GRIK3: variants seen among roughly 807,000 people sequenced by gnomAD.
GRIK3 encodes the protein glutamate ionotropic receptor kainate type subunit 3.
In GRIK3, 29 loss-of-function variants were observed where a neutral mutation model predicts 102.5. That is an observed-to-expected ratio of 0.28 (90% CI 0.21 to 0.39). The LOEUF is 0.39. Among genes scored for constraint, GRIK3 ranks in the 10% least tolerant of loss-of-function variants. GRIK3 has a pLI of 1.00. For synonymous variants in GRIK3, 511 were observed against 504.9 expected (o/e 1.01, Z -0.16); for missense variants, 908 against 1,252.4 (o/e 0.73, Z 4.15).
At chr1:36,996,711 G>A (rs1642423011) in intron 1 of GRIK3, among the ~76,000 whole-genome samples, 1 of 152,218 alleles carries the variant, frequency 6.6e-6, no homozygotes, top group African/African-American at 2.4e-5. Context: ...GGGAACAGCG[G>A]TGTCTCTGTC....
rs1423868897 is a variant in GRIK3, at chr1:36,869,795, C to T, written c.739G>A (p.Ala247Thr). The T allele has an allele frequency of 6.2e-7, 1 of 1,612,128 alleles. No homozygotes were observed. Among genetic ancestry groups the T allele is most frequent in the Non-Finnish European group, 8.5e-7 (1 of 1,178,152 alleles). ...MAAQILKQAM[A>T]MGMMTEYYHF... ...TAGTACTCAGTCATCATGCCCATGGCCATGGCCTGCAGAAAAGCAGAGTGT... is the reference window on the plus strand; with the variant it reads ...TAGTACTCAGTCATCATGCCCATGGTCATGGCCTGCAGAAAAGCAGAGTGT... Residue 247 changes from alanine (A) to threonine (T), a missense_variant, in exon 5 of 16, where the codon GCC (alanine) becomes ACC (threonine). By Grantham distance (58) the Ala-to-Thr change is moderately conservative (BLOSUM62 0). Around this residue, in one of 3 missense-constraint regions of GRIK3, gnomAD observed 585 missense variants for 824.9 expected, o/e 0.71. Coordinates refer to ENST00000373091, the MANE Select transcript of GRIK3 (RefSeq NM_000831.4).
intron 9 of GRIK3, among the ~76,000 whole-genome samples, chr1:36,846,723 C>A (rs1640523837): frequency 6.6e-6 from 1 of 152,226 alleles, no homozygotes; most frequent in African/African-American, 2.4e-5. Context: ...AGAGCCCAAG[C>A]CTGAGAGCAT....
intron 1 of GRIK3, among the ~76,000 whole-genome samples, chr1:36,963,209 C>T (rs1421082546): frequency 6.6e-6 from 1 of 152,210 alleles, no homozygotes; most frequent in Non-Finnish European, 1.5e-5. Flanking sequence ...CTCCATCAGG[C>T]TGGCAGGACT....
Position 36,811,072 on chromosome 1 carries a change from G to A in GRIK3, c.2092-4746C>T, listed in dbSNP as rs548629885. Among the ~76,000 whole-genome samples, 67 of 152,332 alleles carry A rather than the reference G, an allele frequency of 4.4e-4. No individual in the cohort carries two copies. The South Asian group carries it at 0.012, about 28-fold the overall frequency. ...GCTTCACTTTCCATATCTGTAAAAC[G>A]GGTGTTGTAAGAGTACGTGCTACTT... On this transcript the variant is annotated intron_variant, in intron 13 of 15. Coordinates refer to ENST00000373091, the MANE Select transcript of GRIK3 (RefSeq NM_000831.4).
intron 11 of GRIK3, among the ~76,000 whole-genome samples, chr1:36,821,789 T>C (rs983034646): frequency 3.9e-5 from 6 of 152,180 alleles, no homozygotes; most frequent in African/African-American, 1.4e-4. Context: ...AGGGGGCCAC[T>C]GGAAGAGCAC....
intron 1 of GRIK3, among the ~76,000 whole-genome samples, chr1:36,989,097 C>T (rs536273726): frequency 3.3e-5 from 5 of 152,232 alleles, no homozygotes; most frequent in Admixed American, 6.5e-5. Context: ...CACAGGCTCA[C>T]GCCCCACTCC....
rs779423629 is a variant in GRIK3, at chr1:36,890,972, G to C, written c.240C>G (p.Thr80=). Reference sequence around the variant, plus strand: ...GGAAGTGAATCCTCTGTATGTCATAGGTCAAGGTTGTGTTGGGCAGCAGAG... The same window carrying C: ...GGAAGTGAATCCTCTGTATGTCATACGTCAAGGTTGTGTTGGGCAGCAGAG... ...NRTLLPNTTL[T]YDIQRIHFHD... is the part of the protein sequence containing the mutation. The change falls in exon 2 of 16, where the codon ACC becomes ACG. Residue 80 remains threonine, a synonymous_variant. Transcript: ENST00000373091. The C allele has an allele frequency of 6.2e-7, 1 of 1,613,976 alleles. No individual in the cohort carries two copies. Among genetic ancestry groups the C allele is most frequent in the South Asian group, 1.1e-5 (1 of 91,040 alleles).
chr1:36,806,122 C>T lies in GRIK3; in HGVS notation c.2296G>A (p.Gly766Ser), dbSNP rs751905814. The change falls in exon 14 of 16, where the codon GGC becomes AGC. Residue 766 changes from glycine to serine, a missense_variant. Around this residue, in one of 3 missense-constraint regions of GRIK3, gnomAD observed 297 missense variants for 362.7 expected, o/e 0.82. Coordinates refer to ENST00000373091, the MANE Select transcript of GRIK3 (RefSeq NM_000831.4). This position sits in a 1 kb window ranked among gnomAD's most constrained non-coding sequence, Gnocchi z 4.0. Reference sequence around the variant, plus strand: ...CGCTCACCCATGGGCGTGCCGATGCCGTAGCCCTTGGAGTCAATGAGGCCC... The same window carrying T: ...CGCTCACCCATGGGCGTGCCGATGCTGTAGCCCTTGGAGTCAATGAGGCCC... ...IGGLIDSKGYGIGTPMGSPYR... is the reference protein window; with the variant it reads ...IGGLIDSKGYSIGTPMGSPYR... The T allele has an allele frequency of 6.2e-7, 1 of 1,613,880 alleles. No individual in the cohort carries two copies. The highest frequency in any genetic ancestry group is 1.1e-5 in the South Asian group (1 of 91,068).
intron 1 of GRIK3, among the ~76,000 whole-genome samples, chr1:36,907,294 G>A (rs894190641): frequency 6.6e-6 from 1 of 152,194 alleles, no homozygotes; most frequent in Non-Finnish European, 1.5e-5. Flanking sequence ...AAGGAGGAAG[G>A]CCTAAGAGAA....
chr1:36,916,717 A>C (rs1212371418), intron 1 of GRIK3, among the ~76,000 whole-genome samples: 2 of 152,122 alleles, frequency 1.3e-5, no homozygotes, highest in Admixed American at 6.5e-5. Context: ...AAAGTCAAGA[A>C]TTGAGGTTTG....
At chr1:36,814,271 T>C (rs1642595371) in intron 13 of GRIK3, among the ~76,000 whole-genome samples, 1 of 152,138 alleles carries the variant, frequency 6.6e-6, no homozygotes, top group Non-Finnish European at 1.5e-5. Flanking sequence ...CCAGGCTTAT[T>C]TATGCCGTTT....
At chr1:36,877,558 T>C (rs1399370443) in intron 3 of GRIK3, among the ~76,000 whole-genome samples, 1 of 152,160 alleles carries the variant, frequency 6.6e-6, no homozygotes, top group East Asian at 1.9e-4. Context: ...AAACCTGAAC[T>C]CTGAGGCTGG....
At chr1:36,922,335 C>T (rs111580895) in intron 1 of GRIK3, among the ~76,000 whole-genome samples, 18 of 152,304 alleles carry the variant, frequency 1.2e-4, no homozygotes, top group Middle Eastern at 3.4e-3. Flanking sequence ...GGGTTCTGCC[C>T]TGTGGCAGGT....
At chr1:36,894,971 ACTGACCTGGTG>A in intron 1 of GRIK3, among the ~76,000 whole-genome samples, 1 of 152,314 alleles carries the variant, frequency 6.6e-6, no homozygotes, top group African/African-American at 2.4e-5. Flanking sequence ...TGAGAGACTA[ACTGACCTGGTG>A]GAAGGGAAAT....
intron 1 of GRIK3, among the ~76,000 whole-genome samples, chr1:36,983,149 G>A (rs1019639582): frequency 6.6e-6 from 1 of 152,146 alleles, no homozygotes. Flanking sequence ...AGCATGCGGA[G>A]TCTTCCCGAC....
intron 1 of GRIK3, among the ~76,000 whole-genome samples, chr1:36,947,106 G>A (rs890380578): frequency 6.6e-6 from 1 of 152,078 alleles, no homozygotes; most frequent in African/African-American, 2.4e-5. Flanking sequence ...TCAAGGGGAG[G>A]AGAGGGACAA....
chr1:36,919,039 G>A (rs1282329134), intron 1 of GRIK3, among the ~76,000 whole-genome samples: 1 of 152,226 alleles, frequency 6.6e-6, no homozygotes, highest in African/African-American at 2.4e-5. Context: ...CCTATGAAGG[G>A]TGAGATGATG....
intron 1 of GRIK3, among the ~76,000 whole-genome samples, chr1:36,944,927 G>GT (rs1641765927): frequency 1.3e-5 from 2 of 152,242 alleles, no homozygotes; most frequent in Non-Finnish European, 2.9e-5. Context: ...GTCTCTAGCA[G>GT]TGGCTGAGCT....
At chr1:36,894,595 C>G (rs1026080242) in intron 1 of GRIK3, among the ~76,000 whole-genome samples, 1 of 152,136 alleles carries the variant, frequency 6.6e-6, no homozygotes, top group Non-Finnish European at 1.5e-5. Context: ...AAACCACTGC[C>G]CCCAGAATTG....
Sources: allele counts gnomAD v4.1 joint callset (sites outside exome capture counted in the v4.1 genomes callset), GRCh38; gene constraint gnomAD v4.1.1; regional missense constraint gnomAD v4.1.1; non-coding constraint Gnocchi (gnomAD v3.1); transcripts MANE v1.5; gene names NCBI Gene and HGNC (gene_info 2026-07-23, HGNC 2026-07-21).